The following TECTA variants were observed in gnomAD, a reference collection of about 807,000 sequenced individuals.
TECTA encodes alpha-tectorin.
TECTA carries 128 observed loss-of-function variants against 216.8 expected under a neutral mutation model. The observed-to-expected ratio is 0.59, with a 90% CI of 0.51 to 0.68. The LOEUF (loss-of-function observed/expected upper bound fraction) is 0.68, where lower values mean the gene tolerates loss of function less well. Ranked by LOEUF, TECTA falls within the 30% of genes least tolerant of loss-of-function variation. The pLI, the probability that TECTA is intolerant of heterozygous loss-of-function variation, is 0.00. For synonymous variants in TECTA, 1,089 were observed against 1,117.1 expected (o/e 0.97, Z 0.50); for missense variants, 2,551 against 2,786.2 (o/e 0.92, Z 1.90).
chr11:121,166,470 G>C, intron 17 of TECTA, 108 bp from the exon 18 acceptor site: 1 of 1,071,176 alleles, frequency 9.3e-7, no homozygotes, highest in Non-Finnish European at 1.4e-6. Flanking sequence ...CCTTGGAGTG[G>C]AGGTCATTTG....
chr11:121,146,079 G>T lies in TECTA; in HGVS notation c.4068G>T (p.Gly1356=), dbSNP rs1357356153. The change falls in exon 12 of 24, where the codon GGG becomes GGT. Residue 1356 remains glycine (G), a synonymous_variant. Transcript: ENST00000392793. ...ACGCCAGCACCTGCCAGACTCAGGGGATTACGGTGACTGGCTGGAGGAATT... is the reference window on the plus strand; with the variant it reads ...ACGCCAGCACCTGCCAGACTCAGGGTATTACGGTGACTGGCTGGAGGAATT... ...QNYASTCQTQ[G]ITVTGWRNYT... is the part of the protein sequence containing the mutation. 3 of 1,612,020 alleles carry T rather than the reference G, an allele frequency of 1.9e-6. No homozygotes were observed. The highest frequency in any genetic ancestry group is 2.5e-6 in the Non-Finnish European group (3 of 1,180,038).
rs149066293 is a variant in TECTA, at chr11:121,122,877, C to T, written c.1204-2425C>T. On this transcript the variant is annotated intron_variant, in intron 7 of 23. Transcript: ENST00000392793. The stretch of plus-strand genomic sequence containing the variant: ...CAAAAAAAAAAAAAAATGGTAGCAG[C>T]TTTGGGTAATTGGTAGAGGCTGGAA... Among the ~76,000 whole-genome samples the T allele has an allele frequency of 7.9e-5, 12 of 151,408 alleles. No individual in the cohort carries two copies. In the East Asian group the frequency reaches 2.3e-3, roughly 29 times the overall value.
In TECTA at chr11:121,153,044, C is replaced by T; in HGVS notation, c.4269C>T (p.His1423=). ...ACGGCAAGAGCTGCATCCTGCCCCACAGCTGCGGCTGCTACTCCGATGGCA... is the reference window on the plus strand; with the variant it reads ...ACGGCAAGAGCTGCATCCTGCCCCATAGCTGCGGCTGCTACTCCGATGGCA... ...VLNGKSCILP[H]SCGCYSDGKY... Residue 1423 remains histidine, a synonymous_variant, in exon 13 of 24, where the codon CAC becomes CAT. Transcript: ENST00000392793. 2 of 1,614,178 alleles carry T rather than the reference C, an allele frequency of 1.2e-6. No homozygotes were observed. The highest frequency in any genetic ancestry group is 1.7e-6 in the Non-Finnish European group (2 of 1,180,038).
chr11:121,115,417 C>T (rs1328810368), intron 6 of TECTA, among the ~76,000 whole-genome samples: 1 of 152,218 alleles, frequency 6.6e-6, no homozygotes, highest in East Asian at 1.9e-4. Context: ...GAGACAGAGC[C>T]ATGGGAACAA....
chr11:121,153,106 C>G (rs751525195), intron 13 of TECTA, 26 bp downstream of exon 13: 1 of 1,602,264 alleles, frequency 6.2e-7, no homozygotes, highest in South Asian at 1.1e-5. Flanking sequence ...CCGGCCTTTT[C>G]CTCCTTGCCA....
chr11:121,190,400 G>GA (rs1947329841), intron 23 of TECTA, among the ~76,000 whole-genome samples: 1 of 152,168 alleles, frequency 6.6e-6, no homozygotes, highest in South Asian at 2.1e-4. Flanking sequence ...GAGTAACTGG[G>GA]ACTACAGGCA....
chr11:121,140,536 A>G (rs775340247), intron 11 of TECTA, among the ~76,000 whole-genome samples: 12 of 152,224 alleles, frequency 7.9e-5, no homozygotes, highest in Admixed American at 2.6e-4. Flanking sequence ...ATAATGAAAT[A>G]CCACAGACTG....
chr11:121,151,035 C>CA (rs1368682160), intron 12 of TECTA, among the ~76,000 whole-genome samples: 4 of 151,798 alleles, frequency 2.6e-5, no homozygotes, highest in Non-Finnish European at 5.9e-5. Flanking sequence ...AGGCAGTTAA[C>CA]AAAAAAAGAC....
At chr11:121,190,082 C>A (rs549193440) in intron 23 of TECTA, 55 of 587,764 alleles carry the variant, frequency 9.4e-5, no homozygotes, top group Non-Finnish European at 1.5e-4. Context: ...AACAAAAAAA[C>A]CTTGCTCTTT....
intron 17 of TECTA, among the ~76,000 whole-genome samples, chr11:121,165,819 C>T (rs1488526159): frequency 6.6e-6 from 1 of 152,178 alleles, no homozygotes; most frequent in East Asian, 1.9e-4. Flanking sequence ...AGGACTTGTT[C>T]CTAACTGTAG....
At position 121,113,277 on chromosome 11, in the gene TECTA, A is replaced by T. The variant is rs968660955; in HGVS notation, c.624+68A>T. On this transcript the variant is annotated intron_variant, in intron 5 of 23. Transcript: ENST00000392793. This position sits in a 1 kb window ranked among gnomAD's most constrained non-coding sequence, Gnocchi z 4.2. ...GCACTCTCTGCTTCTGTGGCTCAGC[A>T]TCCTGGAGGGAATCCTGCCACCAGC... 6.2e-7 allele frequency: 1 copy of T among 1,610,386 alleles called. No homozygotes were observed.
intron 15 of TECTA, among the ~76,000 whole-genome samples, 192 bp from the exon 16 acceptor site, chr11:121,161,883 C>T (rs1947003433): frequency 6.6e-6 from 1 of 152,014 alleles, no homozygotes; most frequent in African/African-American, 2.4e-5. Flanking sequence ...ATATAAACAA[C>T]AGGAATTACC....
At position 121,129,873 on chromosome 11, in the gene TECTA, C is replaced by G; in HGVS notation, c.2603C>G (p.Thr868Arg). The G allele has an allele frequency of 6.2e-7, 1 of 1,614,226 alleles. No homozygotes were observed. The highest frequency in any genetic ancestry group is 8.5e-7 in the Non-Finnish European group (1 of 1,180,030). ...DEFCLPNGKC[T>R]DNLAVFLESW... The stretch of plus-strand genomic sequence containing the variant: ...TTCTGTCTCCCCAACGGCAAGTGCA[C>G]GGACAACCTGGCAGTGTTCCTGGAA... The change falls in exon 10 of 24, where the codon ACG becomes AGG. Residue 868 changes from threonine to arginine, a missense_variant. By Grantham distance (71) the Thr-to-Arg change is moderately conservative (BLOSUM62 -1). Transcript: ENST00000392793.
chr11:121,177,621 CA>C (rs958171207), intron 20 of TECTA, among the ~76,000 whole-genome samples: 8 of 152,338 alleles, frequency 5.3e-5, no homozygotes, highest in Admixed American at 3.9e-4. Context: ...GCTCGGGGGT[CA>C]GGGGTCAGGG....
intron 12 of TECTA, among the ~76,000 whole-genome samples, chr11:121,147,010 T>C (rs1293137508): frequency 6.6e-6 from 1 of 152,170 alleles, no homozygotes; most frequent in Non-Finnish European, 1.5e-5. Flanking sequence ...CCAACCCATA[T>C]ACTATACTGC....
In TECTA at chr11:121,127,943, G is replaced by T; in HGVS notation, c.1966G>T (p.Gly656Cys). 1 of 1,614,130 alleles carries T rather than the reference G, an allele frequency of 6.2e-7. No individual in the cohort carries two copies. Among genetic ancestry groups the T allele is most frequent in the Non-Finnish European group, 8.5e-7 (1 of 1,180,026 alleles). The change falls in exon 9 of 24, where the codon GGC becomes TGC. Residue 656 changes from glycine to cysteine, a missense_variant. This residue lies in a region of TECTA where 2,375 missense variants were observed against 2,563.9 expected (regional missense o/e 0.93). Coordinates refer to ENST00000392793, the MANE Select transcript of TECTA (RefSeq NM_005422.4). This position sits in a 1 kb window ranked among gnomAD's most constrained non-coding sequence, Gnocchi z 5.0. ...PLHKCGCDFD[G>C]HYYTMGEFFW... ...GCACAAGTGCGGCTGCGACTTCGAC[G>T]GCCACTACTACACCATGGGGGAGTT...
chr11:121,137,314 A>G (rs545928862), intron 10 of TECTA, 107 bp from the exon 11 acceptor site: 10 of 1,438,786 alleles, frequency 7.0e-6, no homozygotes, highest in South Asian at 1.2e-5. Flanking sequence ...ACACACGCAC[A>G]TGCACTCACA....
At chr11:121,168,344 T>A in intron 19 of TECTA, 127 bp downstream of exon 19, 1 of 1,306,048 alleles carries the variant, frequency 7.7e-7, no homozygotes, top group Non-Finnish European at 1.1e-6. Flanking sequence ...TTCTTGAGCC[T>A]AAATGCTTTC....
chr11:121,175,324 G>A lies in TECTA; in HGVS notation c.5999+6399G>A, dbSNP rs565633911. Among the ~76,000 whole-genome samples, 1,359 of 151,686 alleles carry A rather than the reference G, an allele frequency of 9.0e-3. 21 individuals are homozygous for A. Among genetic ancestry groups the A allele is most frequent in the African/African-American group, 0.031 (1,289 of 41,310 alleles). On this transcript the variant is annotated intron_variant, in intron 20 of 23. Coordinates refer to ENST00000392793, the MANE Select transcript of TECTA (RefSeq NM_005422.4). Reference sequence around the variant, plus strand: ...GGATCTTTCCTGCTTTCTCTTGTGGGCATTTAGTGCTATAAATTTCCCTCT... The same window carrying A: ...GGATCTTTCCTGCTTTCTCTTGTGGACATTTAGTGCTATAAATTTCCCTCT...
Sources: gnomAD v4.1 joint callset for allele counts (sites outside exome capture counted in the v4.1 genomes callset) on GRCh38, gnomAD v4.1.1 for gene constraint, gnomAD v4.1.1 regional missense constraint, Gnocchi (gnomAD v3.1) non-coding constraint, MANE v1.5 for transcripts, NCBI Gene and HGNC (gene_info 2026-07-23, HGNC 2026-07-21) for gene names.